Variants in RBFOX1 observed in about 807,000 individuals in gnomAD.
RBFOX1 encodes RNA binding fox-1 homolog 1, also known as RNA binding protein fox-1 homolog 1.
Under a neutral mutation model 57.7 loss-of-function variants are expected in RBFOX1, and 8 were observed. The ratio of observed to expected loss-of-function variants is 0.14; its 90% confidence interval spans 0.08 to 0.25. RBFOX1 has a LOEUF of 0.25. Ranked by LOEUF, RBFOX1 falls within the 10% of genes least tolerant of loss-of-function variation. The pLI is 1.00. For missense variants in RBFOX1, 611 were observed against 548.5 expected (o/e 1.11, Z -1.14); for synonymous variants, 326 against 222.4 (o/e 1.47, Z -4.15).
intron 3 of RBFOX1, among the ~76,000 whole-genome samples, chr16:7,011,651 C>T (rs993203793): frequency 1.3e-5 from 2 of 152,102 alleles, no homozygotes; most frequent in African/African-American, 2.4e-5. Context: ...GTACCTGGGA[C>T]TACAGGTGCC....
chr16:6,412,507 G>T (rs773581309), intron 2 of RBFOX1, among the ~76,000 whole-genome samples: 1 of 152,044 alleles, frequency 6.6e-6, no homozygotes, highest in Non-Finnish European at 1.5e-5. Context: ...TTTCCACTGC[G>T]TTTACTAGAT....
At chr16:5,314,400 C>T (rs1442498282) in intron 1 of RBFOX1, among the ~76,000 whole-genome samples, 1 of 152,240 alleles carries the variant, frequency 6.6e-6, no homozygotes, top group African/African-American at 2.4e-5. Flanking sequence ...CAGCCTCTGT[C>T]CTTCTCTTGA....
At chr16:7,166,269 C>CCACA (rs145452838) in intron 4 of RBFOX1, among the ~76,000 whole-genome samples, 34,946 of 151,880 alleles carry the variant, frequency 0.23, 4,972 homozygotes, top group East Asian at 0.54. Flanking sequence ...CCTTGTCGGA[C>CCACA]TTCCCAAGTG....
chr16:6,854,626 G>A (rs1268148578), intron 3 of RBFOX1, among the ~76,000 whole-genome samples: 2 of 105,608 alleles, frequency 1.9e-5, no homozygotes, highest in South Asian at 3.0e-4. Flanking sequence ...ACTGAGTCTC[G>A]CTGTTTTGCC....
chr16:5,531,943 G>A (rs1193139819), intron 2 of RBFOX1, among the ~76,000 whole-genome samples: 2 of 152,042 alleles, frequency 1.3e-5, no homozygotes, highest in Non-Finnish European at 2.9e-5. Context: ...GGGATTACAG[G>A]CACCCGCCAC....
At chr16:7,349,162 G>T (rs1055265423) in intron 4 of RBFOX1, among the ~76,000 whole-genome samples, 1 of 152,138 alleles carries the variant, frequency 6.6e-6, no homozygotes, top group Admixed American at 6.5e-5. Flanking sequence ...ACCCACTGAA[G>T]TTCATGCTCA....
At chr16:7,300,550 C>G (rs1409265101) in intron 4 of RBFOX1, among the ~76,000 whole-genome samples, 2 of 152,136 alleles carry the variant, frequency 1.3e-5, no homozygotes, top group Non-Finnish European at 1.5e-5. Flanking sequence ...CATTGAAGTT[C>G]AAGTCCTTCT....
At chr16:6,316,508 G>A (rs562777352) in intron 1 of RBFOX1, among the ~76,000 whole-genome samples, 13 of 152,158 alleles carry the variant, frequency 8.5e-5, no homozygotes, top group African/African-American at 2.4e-4. Flanking sequence ...CAGTTCTAGC[G>A]TTGAAAGGAA....
At chr16:6,499,800 G>A (rs1030321458) in intron 2 of RBFOX1, among the ~76,000 whole-genome samples, 1 of 152,136 alleles carries the variant, frequency 6.6e-6, no homozygotes, top group Non-Finnish European at 1.5e-5. Context: ...CCAGTCTCCA[G>A]TCATTAGGGC....
At chr16:7,292,749 A>G (rs868615851) in intron 4 of RBFOX1, among the ~76,000 whole-genome samples, 8 of 152,134 alleles carry the variant, frequency 5.3e-5, no homozygotes, top group Admixed American at 1.3e-4. Flanking sequence ...CTCTACTGAA[A>G]TAGTCTTGAA....
chr16:5,272,484 A>T (rs1407284379), intron 1 of RBFOX1, among the ~76,000 whole-genome samples: 1 of 152,142 alleles, frequency 6.6e-6, no homozygotes, highest in Non-Finnish European at 1.5e-5. Context: ...CCTACCTGAG[A>T]TTTCTACTGA....
chr16:5,811,296 G>C (rs1335143158), intron 3 of RBFOX1, among the ~76,000 whole-genome samples: 1 of 151,684 alleles, frequency 6.6e-6, no homozygotes, highest in African/African-American at 2.4e-5. Flanking sequence ...ATCATGCCCA[G>C]CTAATTTTTA....
intron 1 of RBFOX1, among the ~76,000 whole-genome samples, chr16:6,166,406 G>T (rs1291060365): frequency 6.6e-6 from 1 of 151,968 alleles, no homozygotes; most frequent in Non-Finnish European, 1.5e-5. Context: ...CTTGGGGCGG[G>T]GTTGGGGGGG....
intron 4 of RBFOX1, among the ~76,000 whole-genome samples, chr16:5,994,883 A>C (rs1315024295): frequency 1.3e-5 from 2 of 152,204 alleles, no homozygotes; most frequent in Non-Finnish European, 2.9e-5. Flanking sequence ...TTGAGTGATG[A>C]GTTTCCACTC....
chr16:5,985,814 T>A (rs2060274869), intron 4 of RBFOX1, among the ~76,000 whole-genome samples: 1 of 152,178 alleles, frequency 6.6e-6, no homozygotes, highest in Non-Finnish European at 1.5e-5. Context: ...TCTGGCTGCC[T>A]CTGGGGGCGC....
At chr16:6,330,453 A>G (rs1213330663) in intron 2 of RBFOX1, among the ~76,000 whole-genome samples, 1 of 152,192 alleles carries the variant, frequency 6.6e-6, no homozygotes, top group African/African-American at 2.4e-5. Flanking sequence ...GAAGGCTTTG[A>G]AAAGGGATAT....
chr16:7,366,896 T>G (rs2097460862), intron 4 of RBFOX1, among the ~76,000 whole-genome samples: 1 of 152,208 alleles, frequency 6.6e-6, no homozygotes, highest in Non-Finnish European at 1.5e-5. Flanking sequence ...ATGTCCTTAC[T>G]TTTCATCCCC....
intron 1 of RBFOX1, among the ~76,000 whole-genome samples, chr16:6,085,686 G>A (rs941726315): frequency 1.8e-4 from 28 of 152,214 alleles, no homozygotes; most frequent in Admixed American, 9.2e-4. Context: ...GTGTGCATGC[G>A]CGCACGCACA....
At chr16:6,132,380 A>G (rs919083355) in intron 1 of RBFOX1, among the ~76,000 whole-genome samples, 29 of 152,358 alleles carry the variant, frequency 1.9e-4, no homozygotes, top group African/African-American at 7.0e-4. Context: ...TTACCACAGC[A>G]TGTAGATACC....
Sources: gnomAD v4.1 joint callset for allele counts (sites outside exome capture counted in the v4.1 genomes callset) on GRCh38, gnomAD v4.1.1 for gene constraint, MANE v1.5 for transcripts, NCBI Gene and HGNC (gene_info 2026-07-23, HGNC 2026-07-21) for gene names.